The following PRKG1 variants were observed in gnomAD, a reference collection of about 807,000 sequenced individuals.
The protein encoded by PRKG1 is protein kinase cGMP-dependent 1.
Under a neutral mutation model 88.1 loss-of-function variants are expected in PRKG1, and 35 were observed. That is an observed-to-expected ratio of 0.40 (90% confidence interval 0.30 to 0.53). The LOEUF (loss-of-function observed/expected upper bound fraction) is 0.53. Among genes scored for constraint, PRKG1 ranks in the 20% least tolerant of loss-of-function variants. The probability of loss-of-function intolerance (pLI) is 0.59; values close to 1 mark genes in which losing one functional copy is unlikely to be tolerated. For synonymous variants in PRKG1, 303 were observed against 292.5 expected (o/e 1.04, Z -0.37); for missense variants, 540 against 839.8 (o/e 0.64, Z 4.41).
chr10:52,120,906 G>A (rs1179588690), intron 7 of PRKG1, among the ~76,000 whole-genome samples: 1 of 152,172 alleles, frequency 6.6e-6, no homozygotes, highest in Non-Finnish European at 1.5e-5. Flanking sequence ...TCTGTGACAA[G>A]TTTCTGCCTG....
At chr10:51,627,974 T>C (rs1275294541) in intron 3 of PRKG1, among the ~76,000 whole-genome samples, 28 of 29,126 alleles carry the variant, frequency 9.6e-4, no homozygotes, top group African/African-American at 3.0e-3. Context: ...TTCTTTCTCT[T>C]TCTTTCTTTC....
chr10:51,171,164 A>G (rs946958426), intron 2 of PRKG1, among the ~76,000 whole-genome samples: 2 of 152,164 alleles, frequency 1.3e-5, no homozygotes, highest in African/African-American at 2.4e-5. Context: ...GGAGTGAAAG[A>G]TGACTCCAAG....
chr10:51,275,572 C>T (rs1187533117), intron 2 of PRKG1, among the ~76,000 whole-genome samples: 4 of 152,096 alleles, frequency 2.6e-5, no homozygotes, highest in Non-Finnish European at 5.9e-5. Context: ...ATGTTTATTT[C>T]TAAATTAAAT....
At chr10:51,532,691 A>G (rs1457441881) in intron 3 of PRKG1, among the ~76,000 whole-genome samples, 6 of 151,886 alleles carry the variant, frequency 4.0e-5, no homozygotes, top group African/African-American at 1.5e-4. Context: ...GGTCAATGTT[A>G]TTTCTGTGGT....
chr10:51,090,951 A>G (rs753212846), intron 1 of PRKG1, among the ~76,000 whole-genome samples: 5 of 152,220 alleles, frequency 3.3e-5, no homozygotes, highest in Non-Finnish European at 7.3e-5. Context: ...AGAAGCTATC[A>G]GACGTAGAAC....
chr10:52,289,034 T>G, intron 16 of PRKG1, 41 bp downstream of exon 16: 1 of 1,546,400 alleles, frequency 6.5e-7, no homozygotes, highest in Non-Finnish European at 8.8e-7. Context: ...CGTGACATCA[T>G]TTCCCCAGGG....
intron 3 of PRKG1, among the ~76,000 whole-genome samples, chr10:51,623,386 G>A (rs1322976563): frequency 1.3e-5 from 2 of 152,116 alleles, no homozygotes; most frequent in Admixed American, 6.6e-5. Flanking sequence ...ACTATTTGTA[G>A]AGACGGGATC....
intron 1 of PRKG1, among the ~76,000 whole-genome samples, chr10:51,033,700 A>G (rs1019180904): frequency 4.6e-5 from 7 of 152,200 alleles, no homozygotes; most frequent in Non-Finnish European, 7.4e-5. Context: ...AGCATTAGTG[A>G]TGAAAATTAC....
chr10:51,712,441 T>C, intron 3 of PRKG1, among the ~76,000 whole-genome samples: 1 of 152,176 alleles, frequency 6.6e-6, no homozygotes, highest in East Asian at 1.9e-4. Flanking sequence ...CTAAACTCTA[T>C]TGACGTTTAT....
intron 3 of PRKG1, among the ~76,000 whole-genome samples, chr10:51,554,751 G>A (rs1837267065): frequency 6.6e-6 from 1 of 151,626 alleles, no homozygotes; most frequent in Admixed American, 6.6e-5. Flanking sequence ...GGCTGTCCTT[G>A]GATACATGTA....
intron 3 of PRKG1, chr10:51,699,733 G>T: frequency 3.2e-6 from 2 of 625,206 alleles, no homozygotes; most frequent in Non-Finnish European, 5.6e-6. Flanking sequence ...AATGCTTTCA[G>T]TCCCTGATCC....
At chr10:51,725,018 G>A (rs1289387473) in intron 3 of PRKG1, among the ~76,000 whole-genome samples, 2 of 151,900 alleles carry the variant, frequency 1.3e-5, no homozygotes, top group Non-Finnish European at 2.9e-5. Flanking sequence ...CCTCATTTAT[G>A]TTTTAATGAC....
intron 3 of PRKG1, among the ~76,000 whole-genome samples, chr10:51,571,401 T>C (rs980381627): frequency 1.3e-5 from 2 of 151,930 alleles, no homozygotes; most frequent in African/African-American, 4.8e-5. Flanking sequence ...GGCTATCTCA[T>C]TGGATTATTC....
chr10:51,882,679 T>C (rs147548555), intron 4 of PRKG1, among the ~76,000 whole-genome samples: 2 of 152,326 alleles, frequency 1.3e-5, no homozygotes, highest in African/African-American at 4.8e-5. Context: ...GAGCTTTTTC[T>C]TTTCCCCTGT....
chr10:51,141,234 A>G (rs1845812465), intron 1 of PRKG1, among the ~76,000 whole-genome samples: 1 of 152,184 alleles, frequency 6.6e-6, no homozygotes, highest in Non-Finnish European at 1.5e-5. Flanking sequence ...CAGTTCAAGC[A>G]TACACTGTGC....
chr10:51,547,520 A>G (rs533092368), intron 3 of PRKG1, among the ~76,000 whole-genome samples: 1 of 152,252 alleles, frequency 6.6e-6, no homozygotes, highest in African/African-American at 2.4e-5. Flanking sequence ...TAGAAGAATT[A>G]CATTTGATTT....
chr10:51,014,623 C>T (rs1843034642), intron 1 of PRKG1, among the ~76,000 whole-genome samples: 1 of 151,958 alleles, frequency 6.6e-6, no homozygotes, highest in African/African-American at 2.4e-5. Flanking sequence ...TCTTACTGCA[C>T]AAATTACTGA....
At chr10:51,025,497 G>A (rs1050035900) in intron 1 of PRKG1, among the ~76,000 whole-genome samples, 2 of 152,142 alleles carry the variant, frequency 1.3e-5, no homozygotes, top group Non-Finnish European at 2.9e-5. Context: ...GGCTCTGGCT[G>A]AGAAGCTCCT....
chr10:51,322,088 C>T (rs963796817), intron 2 of PRKG1, among the ~76,000 whole-genome samples: 8 of 152,190 alleles, frequency 5.3e-5, no homozygotes, highest in Non-Finnish European at 1.2e-4. Context: ...CCACCATATT[C>T]GACAGTTCAG....
Sources: gnomAD v4.1 joint callset for allele counts (sites outside exome capture counted in the v4.1 genomes callset) on GRCh38, gnomAD v4.1.1 for gene constraint, MANE v1.5 for transcripts, NCBI Gene and HGNC (gene_info 2026-07-23, HGNC 2026-07-21) for gene names.